CSMD3: variants seen among roughly 807,000 people sequenced by gnomAD.
The protein encoded by CSMD3 is CUB and sushi domain-containing protein 3.
A neutral mutation model predicts 435.2 loss-of-function variants in CSMD3; 177 were observed. The ratio of observed to expected loss-of-function variants is 0.41; its 90% CI spans 0.36 to 0.46. The LOEUF is 0.46. Ranked by LOEUF, CSMD3 falls within the 20% of genes least tolerant of loss-of-function variation. CSMD3 has a pLI of 0.34. For missense variants in CSMD3, 4,265 were observed against 4,504.6 expected (o/e 0.95, Z 1.52); for synonymous variants, 1,656 against 1,520.5 (o/e 1.09, Z -2.07).
chr8:112,456,352 C>G (rs1816841710), intron 32 of CSMD3, among the ~76,000 whole-genome samples: 1 of 151,990 alleles, frequency 6.6e-6, no homozygotes, highest in Non-Finnish European at 1.5e-5. Flanking sequence ...AATCACCAGA[C>G]AGAGGAAACT....
chr8:112,454,276 G>A (rs907459877), intron 32 of CSMD3, among the ~76,000 whole-genome samples: 4 of 152,054 alleles, frequency 2.6e-5, no homozygotes, highest in African/African-American at 4.8e-5. Flanking sequence ...AAGAGCTTCT[G>A]CACAGAAAAC....
At chr8:112,997,605 T>C (rs1207620903) in intron 6 of CSMD3, among the ~76,000 whole-genome samples, 1 of 151,662 alleles carries the variant, frequency 6.6e-6, no homozygotes, top group African/African-American at 2.4e-5. Flanking sequence ...ATATTATATC[T>C]GACTTTTTTC....
At chr8:112,774,568 A>G (rs1292151506) in intron 13 of CSMD3, among the ~76,000 whole-genome samples, 4 of 151,958 alleles carry the variant, frequency 2.6e-5, no homozygotes, top group Admixed American at 2.0e-4. Context: ...TCTTTACATT[A>G]TATTTTTGTA....
In CSMD3 at chr8:112,289,491, C is replaced by G. The variant is rs2130657041; in HGVS notation, c.9022G>C (p.Gly3008Arg). 1 of 1,612,958 alleles carries G rather than the reference C, an allele frequency of 6.2e-7. No individual in the cohort carries two copies. The highest frequency in any genetic ancestry group is 1.1e-5 in the South Asian group (1 of 91,062). Residue 3008 changes from glycine (G) to arginine (R), a missense_variant, in exon 57 of 71, where the codon GGC becomes CGC. Around this residue, in one of 3 missense-constraint regions of CSMD3, gnomAD observed 3,255 missense variants for 3,380.2 expected, o/e 0.96. Coordinates refer to ENST00000297405, the MANE Select transcript of CSMD3 (RefSeq NM_198123.2). The stretch of plus-strand genomic sequence containing the variant: ...GTAGACCCAAAAGTATACTTCTCGC[C>G]AGACAGGACTGCATTAGGAGGAACG... ...PGVPPNAVLS[G>R]EKYTFGSTVH...
chr8:112,423,563 T>C (rs1483566455), intron 32 of CSMD3, among the ~76,000 whole-genome samples: 2 of 152,028 alleles, frequency 1.3e-5, no homozygotes, highest in Non-Finnish European at 2.9e-5. Context: ...AATCCACCCA[T>C]GTCAGCCTCC....
chr8:113,113,725 C>T (rs1032532908), intron 4 of CSMD3, among the ~76,000 whole-genome samples: 1 of 152,126 alleles, frequency 6.6e-6, no homozygotes, highest in African/African-American at 2.4e-5. Flanking sequence ...TTTACTTGTC[C>T]TAAGTAACTG....
intron 45 of CSMD3, among the ~76,000 whole-genome samples, chr8:112,321,719 AC>A (rs1823011621): frequency 6.6e-6 from 1 of 152,254 alleles, no homozygotes; most frequent in African/African-American, 2.4e-5. Flanking sequence ...GTCCCTTCAA[AC>A]ATCTTCCTTC....
intron 3 of CSMD3, among the ~76,000 whole-genome samples, chr8:113,189,827 CAAT>C (rs892758502): frequency 2.6e-5 from 4 of 151,710 alleles, no homozygotes; most frequent in Non-Finnish European, 5.9e-5. Context: ...AGGAGAACAT[CAAT>C]AATTATAGAC....
At chr8:113,095,862 T>A (rs957253265) in intron 5 of CSMD3, among the ~76,000 whole-genome samples, 2 of 152,116 alleles carry the variant, frequency 1.3e-5, no homozygotes, top group Non-Finnish European at 2.9e-5. Context: ...GATTTTTGTA[T>A]AATCAGGGGT....
At position 112,736,330 on chromosome 8, in the gene CSMD3, C is replaced by A. The variant is rs117638328; in HGVS notation, c.1973-46280G>T. Among the ~76,000 whole-genome samples, 35 of 152,114 alleles carry A rather than the reference C, an allele frequency of 2.3e-4. No homozygotes were observed. The East Asian group carries it at 5.6e-3, about 24-fold the overall frequency. On this transcript the variant is annotated intron_variant, in intron 13 of 70. Coordinates refer to ENST00000297405, the MANE Select transcript of CSMD3 (RefSeq NM_198123.2). Reference sequence around the variant, plus strand: ...CCTTTGTTGGTTCCTGGTAACTCAGCTAAAATCCCCTTCCCATGTTATCTA... The same window carrying A: ...CCTTTGTTGGTTCCTGGTAACTCAGATAAAATCCCCTTCCCATGTTATCTA...
chr8:113,066,136 A>G (rs1473046290), intron 5 of CSMD3, among the ~76,000 whole-genome samples: 1 of 150,962 alleles, frequency 6.6e-6, no homozygotes, highest in Non-Finnish European at 1.5e-5. Flanking sequence ...AAAGAAAAAA[A>G]AAAAAAAGAA....
At chr8:113,038,531 T>C (rs539464992) in intron 5 of CSMD3, among the ~76,000 whole-genome samples, 2 of 151,880 alleles carry the variant, frequency 1.3e-5, no homozygotes, top group East Asian at 1.9e-4. Flanking sequence ...TAGAAGAGAG[T>C]AAAGGGACTG....
At chr8:113,242,052 A>G (rs1437304833) in intron 3 of CSMD3, among the ~76,000 whole-genome samples, 2 of 151,536 alleles carry the variant, frequency 1.3e-5, no homozygotes, top group African/African-American at 4.8e-5. Context: ...AACATAAAAT[A>G]GTTTGACTTT....
chr8:112,635,189 C>T (rs759234934), intron 22 of CSMD3, among the ~76,000 whole-genome samples: 13 of 151,964 alleles, frequency 8.6e-5, no homozygotes, highest in Non-Finnish European at 1.5e-4. Flanking sequence ...AATCTAAATT[C>T]GGAATGCTTC....
intron 12 of CSMD3, among the ~76,000 whole-genome samples, chr8:112,813,039 C>T (rs1436223141): frequency 2.0e-5 from 3 of 152,114 alleles, no homozygotes; most frequent in African/African-American, 7.2e-5. Context: ...TCTTGTCACA[C>T]GACCAGGAAA....
chr8:113,419,006 G>A (rs2094596503), intron 1 of CSMD3, among the ~76,000 whole-genome samples: 1 of 151,962 alleles, frequency 6.6e-6, no homozygotes, highest in South Asian at 2.1e-4. Context: ...GGGCCATCGT[G>A]ATAAATATGG....
intron 27 of CSMD3, among the ~76,000 whole-genome samples, chr8:112,540,469 G>T (rs1826558324): frequency 6.6e-6 from 1 of 151,990 alleles, no homozygotes; most frequent in Non-Finnish European, 1.5e-5. Context: ...ATATCAAAGA[G>T]ATAGCTGCAC....
intron 36 of CSMD3, 30 bp from the exon 37 acceptor site, chr8:112,383,693 C>T: frequency 7.6e-7 from 1 of 1,313,232 alleles, no homozygotes. Flanking sequence ...GGTAAGAATA[C>T]ACATTTCTAA....
chr8:112,679,085 GT>G (rs1195093248), intron 16 of CSMD3, among the ~76,000 whole-genome samples: 6,288 of 115,038 alleles, frequency 0.055, 141 homozygotes, highest in Middle Eastern at 0.07. Flanking sequence ...GATGGGGCAG[GT>G]TTTTTTTTTT....
Sources: allele counts gnomAD v4.1 joint callset (sites outside exome capture counted in the v4.1 genomes callset), GRCh38; gene constraint gnomAD v4.1.1; regional missense constraint gnomAD v4.1.1; transcripts MANE v1.5; gene names NCBI Gene and HGNC (gene_info 2026-07-23, HGNC 2026-07-21).